PPP1R9A: variants seen among roughly 807,000 people sequenced by gnomAD.
The protein encoded by PPP1R9A is neurabin-1.
PPP1R9A carries 59 observed loss-of-function variants against 141.9 expected under a neutral mutation model. That is an observed-to-expected ratio of 0.42 (90% CI 0.34 to 0.52). The LOEUF (loss-of-function observed/expected upper bound fraction) is 0.52, where lower values mean the gene tolerates loss of function less well. PPP1R9A is among the 20% of genes least tolerant of loss of function. The pLI is 0.10. For missense variants in PPP1R9A, 1,444 were observed against 1,611.9 expected (o/e 0.90, Z 1.78); for synonymous variants, 500 against 569.7 (o/e 0.88, Z 1.74).
chr7:95,080,969 G>C (rs190243604), intron 2 of PPP1R9A, among the ~76,000 whole-genome samples: 1 of 152,246 alleles, frequency 6.6e-6, no homozygotes, highest in Admixed American at 6.5e-5. Context: ...AACATTATCA[G>C]GCAGGTCAAT....
At chr7:94,977,109 G>A (rs1176027014) in intron 2 of PPP1R9A, among the ~76,000 whole-genome samples, 1 of 152,154 alleles carries the variant, frequency 6.6e-6, no homozygotes, top group Non-Finnish European at 1.5e-5. Flanking sequence ...ATGGGGGCTT[G>A]TGGGAGTAAG....
intron 12 of PPP1R9A, among the ~76,000 whole-genome samples, chr7:95,255,672 A>G (rs1290180236): frequency 6.6e-6 from 1 of 152,112 alleles, no homozygotes; most frequent in African/African-American, 2.4e-5. Context: ...AGACAAATAA[A>G]TAGAATTTAA....
chr7:95,252,901 T>C lies in PPP1R9A; in HGVS notation c.2665+771T>C, dbSNP rs560857369. ...GTTTTGTGCTTTTACCATGGTGTAC[T>C]GTGTATACTTCTTAGGTCTTTCATG... On this transcript the variant is annotated intron_variant, in intron 12 of 19. Transcript: ENST00000433360. Among the ~76,000 whole-genome samples the C allele has an allele frequency of 7.2e-5, 11 of 152,352 alleles. No individual in the cohort carries two copies. The East Asian group carries it at 1.7e-3, about 24-fold the overall frequency.
At chr7:95,139,293 C>T (rs1826212343) in intron 4 of PPP1R9A, among the ~76,000 whole-genome samples, 1 of 152,156 alleles carries the variant, frequency 6.6e-6, no homozygotes, top group African/African-American at 2.4e-5. Flanking sequence ...ACTTATAAAA[C>T]CACCTGATCT....
intron 1 of PPP1R9A, 37 bp from the exon 2 acceptor site, chr7:94,909,861 G>T: frequency 3.0e-6 from 1 of 337,916 alleles, no homozygotes; most frequent in Non-Finnish European, 5.4e-6. Flanking sequence ...ATTCAAATAA[G>T]TAAATGAATT....
At chr7:95,012,576 A>G (rs369920224) in intron 2 of PPP1R9A, among the ~76,000 whole-genome samples, 1 of 152,230 alleles carries the variant, frequency 6.6e-6, no homozygotes, top group East Asian at 1.9e-4. Flanking sequence ...TACACTTTAT[A>G]TATTAAGGAA....
chr7:95,180,667 A>G (rs146172277), intron 5 of PPP1R9A, among the ~76,000 whole-genome samples: 2,015 of 152,200 alleles, frequency 0.013, 33 homozygotes, highest in African/African-American at 0.046. Flanking sequence ...CGACAATCTC[A>G]AACAAATCAG....
At chr7:94,913,373 C>G (rs1225941631) in intron 2 of PPP1R9A, among the ~76,000 whole-genome samples, 1 of 152,118 alleles carries the variant, frequency 6.6e-6, no homozygotes, top group Non-Finnish European at 1.5e-5. Flanking sequence ...TATTTTGCCT[C>G]TTAATTTTCA....
chr7:95,198,082 G>A (rs936438918), intron 5 of PPP1R9A, among the ~76,000 whole-genome samples: 1 of 152,088 alleles, frequency 6.6e-6, no homozygotes, highest in African/African-American at 2.4e-5. Flanking sequence ...AATGGGTTAC[G>A]TATATTACAT....
intron 14 of PPP1R9A, among the ~76,000 whole-genome samples, chr7:95,273,274 G>A (rs1802508704): frequency 6.6e-6 from 1 of 152,186 alleles, no homozygotes; most frequent in East Asian, 1.9e-4. Flanking sequence ...TATTAAGAAG[G>A]CCCTTTCAAA....
chr7:95,116,009 C>T (rs946071589), intron 3 of PPP1R9A, among the ~76,000 whole-genome samples: 1 of 151,722 alleles, frequency 6.6e-6, no homozygotes, highest in African/African-American at 2.4e-5. Context: ...AAAGATTCAT[C>T]CACATACAAT....
chr7:95,215,609 T>G (rs985370725), intron 7 of PPP1R9A, among the ~76,000 whole-genome samples: 5 of 152,216 alleles, frequency 3.3e-5, no homozygotes, highest in African/African-American at 1.2e-4. Flanking sequence ...GTGTTCCTAT[T>G]TCTCCACATC....
chr7:95,081,981 C>G (rs1164474229), intron 2 of PPP1R9A, among the ~76,000 whole-genome samples: 1 of 152,100 alleles, frequency 6.6e-6, no homozygotes, highest in Non-Finnish European at 1.5e-5. Context: ...CTTCAGGGGG[C>G]TTATAGTATT....
intron 2 of PPP1R9A, among the ~76,000 whole-genome samples, chr7:95,006,030 G>A (rs1032652714): frequency 1.3e-5 from 2 of 151,842 alleles, no homozygotes; most frequent in East Asian, 1.9e-4. Context: ...AAACCTTAGT[G>A]GTATTTTGAT....
At position 95,186,666 on chromosome 7, in the gene PPP1R9A, C is replaced by G. The variant is rs535975926; in HGVS notation, c.1755-11683C>G. On this transcript the variant is annotated intron_variant, in intron 5 of 19. Coordinates refer to ENST00000433360, the MANE Select transcript of PPP1R9A (RefSeq NM_001166160.2). ...TTGTCTGTGGGTTTGTCATAGATGG[C>G]TTTTATTACCTTAAGGTATGGCTCT... Among the ~76,000 whole-genome samples, 180 of 152,156 alleles carry G rather than the reference C, an allele frequency of 1.2e-3. 1 individual carries two copies. The highest frequency in any genetic ancestry group is 1.7e-3 in the Non-Finnish European group (116 of 67,978).
At chr7:95,017,896 T>C (rs749993198) in intron 2 of PPP1R9A, among the ~76,000 whole-genome samples, 3 of 152,218 alleles carry the variant, frequency 2.0e-5, no homozygotes, top group Non-Finnish European at 4.4e-5. Flanking sequence ...ATGTTTGTTC[T>C]AGACTATCTT....
chr7:95,080,458 G>A (rs1416696245), intron 2 of PPP1R9A, among the ~76,000 whole-genome samples: 1 of 152,092 alleles, frequency 6.6e-6, no homozygotes, highest in East Asian at 1.9e-4. Flanking sequence ...AGAAATGGAA[G>A]AACATTCCAT....
intron 2 of PPP1R9A, among the ~76,000 whole-genome samples, chr7:95,069,365 A>G (rs1479324301): frequency 1.3e-5 from 2 of 152,116 alleles, no homozygotes; most frequent in Non-Finnish European, 2.9e-5. Flanking sequence ...GAAAAATATT[A>G]ATACTAGTAA....
chr7:94,912,763 T>C (rs1333832964), intron 2 of PPP1R9A, among the ~76,000 whole-genome samples: 1 of 152,202 alleles, frequency 6.6e-6, no homozygotes, highest in Non-Finnish European at 1.5e-5. Context: ...AGGCAGAAGT[T>C]CTGGGTCAGA....
Sources: allele counts gnomAD v4.1 joint callset (sites outside exome capture counted in the v4.1 genomes callset), GRCh38; gene constraint gnomAD v4.1.1; transcripts MANE v1.5; gene names NCBI Gene and HGNC (gene_info 2026-07-23, HGNC 2026-07-21).